Variants in TMEM143 observed in about 807,000 individuals in gnomAD.
The protein encoded by TMEM143 is transmembrane protein 143.
TMEM143 carries 45 observed loss-of-function variants against 40.3 expected under a neutral mutation model. That is an observed-to-expected ratio of 1.12 (90% CI 0.88 to 1.43). TMEM143 has a LOEUF of 1.43. Among genes scored for constraint, TMEM143 ranks in the 40% most tolerant of loss-of-function variants. TMEM143 has a pLI of 0.00. For synonymous variants in TMEM143, 299 were observed against 282.7 expected, an observed-to-expected ratio of 1.06 and a Z score of -0.58; for missense variants, 620 against 613.4, an observed-to-expected ratio of 1.01 and a Z score of -0.11.
intron 3 of TMEM143, among the ~76,000 whole-genome samples, chr19:48,348,467 C>T (rs1034846323): frequency 4.6e-5 from 7 of 152,166 alleles, no homozygotes; most frequent in African/African-American, 1.7e-4. Flanking sequence ...TCAATAGTCT[C>T]CCCAAATCCT....
chr19:48,341,106 C>T (rs758560756), intron 6 of TMEM143, among the ~76,000 whole-genome samples: 2 of 152,234 alleles, frequency 1.3e-5, no homozygotes, highest in Non-Finnish European at 2.9e-5. Flanking sequence ...AGCTTGAAAA[C>T]CAATGAGCCA....
At chr19:48,355,843 G>A (rs1969878399) in intron 3 of TMEM143, among the ~76,000 whole-genome samples, 2 of 152,190 alleles carry the variant, frequency 1.3e-5, no homozygotes, top group Admixed American at 1.3e-4. Flanking sequence ...TGTTAATGTT[G>A]TCATCTATGG....
chr19:48,344,124 T>C (rs1187961385), intron 4 of TMEM143, among the ~76,000 whole-genome samples: 1 of 152,146 alleles, frequency 6.6e-6, no homozygotes, highest in Non-Finnish European at 1.5e-5. Context: ...TGACCTCAAA[T>C]GATCTGCCTA....
Position 48,342,748 on chromosome 19 carries a change from T to C in TMEM143, c.757A>G (p.Ser253Gly), listed in dbSNP as rs1434185582. 9 of 1,613,766 alleles carry C rather than the reference T, an allele frequency of 5.6e-6. No individual in the cohort carries two copies. Among genetic ancestry groups the C allele is most frequent in the Non-Finnish European group, 5.9e-6 (7 of 1,179,742 alleles). ...RTKRGHLVLKSFKDTPLEGLE... is the reference protein window; with the variant it reads ...RTKRGHLVLKGFKDTPLEGLE... ...CCTTCCAGCGGCGTGTCCTTGAAAC[T>C]CTTCAGTACCAGGTGTCCCCGTTTG... Residue 253 changes from serine to glycine, a missense_variant, in exon 6 of 8, where the codon AGT (serine) becomes GGT (glycine). By Grantham distance (56) the Ser-to-Gly change is moderately conservative. Transcript: ENST00000293261.
At position 48,351,606 on chromosome 19, in the gene TMEM143, T is replaced by C. The variant is rs185705789; in HGVS notation, c.370-6252A>G. 1.2e-3 allele frequency among the ~76,000 whole-genome samples: 175 copies of C among 151,736 alleles called. 1 individual carries two copies. In the Middle Eastern group the frequency reaches 0.041, roughly 35 times the overall value. Reference sequence around the variant, plus strand: ...TCCCCCTCCCTCTGCCCTCACCTCCTCTCTCTTCCCTGGGTCGCCAGGCTC... The same window carrying C: ...TCCCCCTCCCTCTGCCCTCACCTCCCCTCTCTTCCCTGGGTCGCCAGGCTC... On this transcript the variant is annotated intron_variant, in intron 3 of 7. Transcript: ENST00000293261.
intron 2 of TMEM143, 114 bp downstream of exon 2, chr19:48,363,177 A>C: frequency 1.4e-6 from 2 of 1,399,154 alleles, no homozygotes; most frequent in Non-Finnish European, 1.9e-6. Flanking sequence ...GGACCCGGGA[A>C]CTACAACTCC....
chr19:48,346,785 C>T (rs1459400556), intron 3 of TMEM143, among the ~76,000 whole-genome samples: 3 of 151,986 alleles, frequency 2.0e-5, no homozygotes, highest in African/African-American at 7.3e-5. Context: ...ACCATGTTGG[C>T]CAGGCTGGTC....
chr19:48,341,473 T>C (rs1247821853), intron 6 of TMEM143, among the ~76,000 whole-genome samples: 1 of 152,052 alleles, frequency 6.6e-6, no homozygotes, highest in Non-Finnish European at 1.5e-5. Flanking sequence ...GTCAGCCAGC[T>C]CCCCCAGTGA....
At chr19:48,346,908 A>G (rs1326019886) in intron 3 of TMEM143, among the ~76,000 whole-genome samples, 1 of 152,102 alleles carries the variant, frequency 6.6e-6, no homozygotes, top group Non-Finnish European at 1.5e-5. Flanking sequence ...CAGTATCCAC[A>G]TGGCCATTGG....
intron 3 of TMEM143, among the ~76,000 whole-genome samples, chr19:48,348,025 C>CAAAAA (rs556686693): frequency 0.23 from 22,982 of 102,126 alleles, 2,562 homozygotes; most frequent in Non-Finnish European, 0.31. Context: ...GACCCTGTCT[C>CAAAAA]AAAAAAAAAA....
chr19:48,333,184 C>A lies in TMEM143; in HGVS notation c.*35G>T. 1 of 1,404,464 alleles carries A rather than the reference C, an allele frequency of 7.1e-7. No individual in the cohort carries two copies. Among genetic ancestry groups the A allele is most frequent in the Non-Finnish European group, 9.4e-7 (1 of 1,061,410 alleles). 87.0% of individuals were successfully genotyped at this position (1,404,464 alleles called of 1,614,324 possible). On this transcript the variant is annotated 3_prime_UTR_variant, in exon 8 of 8. Transcript: ENST00000293261. The surrounding 1 kb of genome is among the most constrained non-coding windows in gnomAD (Gnocchi z 4.1). ...TCGTGAAGGAGGCGGGGCTTAGTTC[C>A]TAGCCTGCTGACTGGGCAGGGAGGT...
chr19:48,338,035 A>AC (rs903445124), intron 6 of TMEM143, among the ~76,000 whole-genome samples: 91 of 111,500 alleles, frequency 8.2e-4, no homozygotes, highest in African/African-American at 2.9e-3. Context: ...TCCCTTCAGC[A>AC]CTACCGCTGC....
chr19:48,339,235 A>T (rs1969436606), intron 6 of TMEM143, among the ~76,000 whole-genome samples: 1 of 152,142 alleles, frequency 6.6e-6, no homozygotes. Flanking sequence ...TGGCGGGATG[A>T]CAGGTCATCC....
At chr19:48,339,254 G>A (rs534659009) in intron 6 of TMEM143, among the ~76,000 whole-genome samples, 6 of 152,240 alleles carry the variant, frequency 3.9e-5, no homozygotes, top group Non-Finnish European at 8.8e-5. Context: ...CCTTAGATGC[G>A]GAGCCCAGAA....
chr19:48,358,891 T>C (rs1355968730), intron 3 of TMEM143, among the ~76,000 whole-genome samples: 2 of 152,016 alleles, frequency 1.3e-5, no homozygotes, highest in African/African-American at 4.8e-5. Context: ...GTCCTCGGCC[T>C]GGCACAGTGG....
intron 2 of TMEM143, 128 bp from the exon 3 acceptor site, chr19:48,360,304 C>T (rs181855358): frequency 6.5e-5 from 56 of 860,444 alleles, no homozygotes; most frequent in East Asian, 4.9e-4. Context: ...TGGGGCTGGG[C>T]GCAGTGTCTC....
Position 48,363,310 on chromosome 19 carries a change from A to C in TMEM143, c.245T>G (p.Leu82Arg), listed in dbSNP as rs1285444258. The C allele has an allele frequency of 6.2e-7, 1 of 1,614,062 alleles. No homozygotes were observed. Among genetic ancestry groups the C allele is most frequent in the Non-Finnish European group, 8.5e-7 (1 of 1,179,976 alleles). The change falls in exon 2 of 8, where the codon CTG (leucine) becomes CGG (arginine). Residue 82 changes from leucine (L) to arginine (R), a missense_variant. Physicochemically the swap from Leu to Arg is moderately radical, Grantham distance 102. Coordinates refer to ENST00000293261, the MANE Select transcript of TMEM143 (RefSeq NM_018273.4). ...CGGTACCTGTATTAGGAGGCGGAGC[A>C]GCTGCTCCTTGGAGAAGGGAATGAA... ...ERFIPFSKEQLLRLLIQEFHS... is the reference protein window; with the variant it reads ...ERFIPFSKEQRLRLLIQEFHS...
chr19:48,335,276 G>A (rs1011177797), intron 6 of TMEM143, among the ~76,000 whole-genome samples: 1 of 152,092 alleles, frequency 6.6e-6, no homozygotes, highest in African/African-American at 2.4e-5. Flanking sequence ...AGGAAAAAAT[G>A]GTTTAAAATA....
intron 3 of TMEM143, among the ~76,000 whole-genome samples, chr19:48,357,503 G>A (rs1427836098): frequency 1.3e-5 from 2 of 151,622 alleles, no homozygotes; most frequent in African/African-American, 2.4e-5. Flanking sequence ...ACAGGCGCCC[G>A]CCACCACGCC....
Sources: allele counts gnomAD v4.1 joint callset (sites outside exome capture counted in the v4.1 genomes callset), GRCh38; gene constraint gnomAD v4.1.1; non-coding constraint Gnocchi (gnomAD v3.1); transcripts MANE v1.5; gene names NCBI Gene and HGNC (gene_info 2026-07-23, HGNC 2026-07-21).